Variants in SSPN observed in about 807,000 individuals in gnomAD.
SSPN encodes the protein sarcospan, also known as K-ras oncogene-associated protein.
A neutral mutation model predicts 19.1 loss-of-function variants in SSPN; 15 were observed. That is an observed-to-expected ratio of 0.78 (90% CI 0.52 to 1.21). The LOEUF (loss-of-function observed/expected upper bound fraction) is 1.21, where lower values mean the gene tolerates loss of function less well. Ranked by LOEUF, SSPN falls within the 50% of genes most tolerant of loss-of-function variation. The pLI is 0.00. For synonymous variants in SSPN, 147 were observed against 140.3 expected (o/e 1.05, Z -0.34); for missense variants, 291 against 314.0 (o/e 0.93, Z 0.55).
chr12:26,136,185 G>A (rs1944423956), intron 1 of SSPN, among the ~76,000 whole-genome samples: 1 of 152,182 alleles, frequency 6.6e-6, no homozygotes, highest in Non-Finnish European at 1.5e-5. Flanking sequence ...TAAAGTGTAT[G>A]GGATGACGTG....
intron 1 of SSPN, among the ~76,000 whole-genome samples, chr12:26,188,435 A>G (rs1308681118): frequency 1.3e-5 from 2 of 152,224 alleles, no homozygotes; most frequent in Non-Finnish European, 1.5e-5. Context: ...CAGTCAGACA[A>G]TGACTCAGCT....
upstream of SSPN, among the ~76,000 whole-genome samples, chr12:26,194,575 G>C (rs545014612): frequency 2.0e-5 from 3 of 152,208 alleles, no homozygotes; most frequent in African/African-American, 7.2e-5. Context: ...TAGTGGAGAC[G>C]GGGTTTCACC....
chr12:26,171,913 G>A (rs1381296987), intron 1 of SSPN, among the ~76,000 whole-genome samples: 3 of 152,128 alleles, frequency 2.0e-5, no homozygotes, highest in African/African-American at 4.8e-5. Flanking sequence ...ACCATTTGTC[G>A]CCTCTGTGAT....
intron 1 of SSPN, among the ~76,000 whole-genome samples, chr12:26,146,437 T>C (rs1468348168): frequency 6.6e-6 from 1 of 152,212 alleles, no homozygotes; most frequent in Non-Finnish European, 1.5e-5. Context: ...CTAGAAGTGA[T>C]TCTTTCCTAT....
At chr12:26,123,045 G>A in intron 1 of SSPN, 1 of 1,578,884 alleles carries the variant, frequency 6.3e-7, no homozygotes, top group Non-Finnish European at 8.6e-7. Context: ...GACACACCGC[G>A]GCTCCCTGGG....
At chr12:26,227,050 TGCCTCCCGC>T (rs1340002945) in intron 2 of SSPN, among the ~76,000 whole-genome samples, 30 of 152,092 alleles carry the variant, frequency 2.0e-4, no homozygotes, top group Middle Eastern at 3.2e-3. Context: ...GCAAGACAGA[TGCCTCCCGC>T]GCCGGGCTTT....
At chr12:26,138,345 C>G (rs943329869) in intron 1 of SSPN, among the ~76,000 whole-genome samples, 5 of 152,100 alleles carry the variant, frequency 3.3e-5, no homozygotes, top group Non-Finnish European at 7.4e-5. Context: ...TCCTGAAAAA[C>G]AAATTTTTGA....
At chr12:26,124,117 G>A in intron 1 of SSPN, 1 of 1,613,016 alleles carries the variant, frequency 6.2e-7, no homozygotes, top group Non-Finnish European at 8.5e-7. Context: ...GCTGAGCAAT[G>A]CATTCATTAA....
At chr12:26,218,816 C>G (rs573165154) in intron 1 of SSPN, among the ~76,000 whole-genome samples, 95 of 152,296 alleles carry the variant, frequency 6.2e-4, no homozygotes, top group African/African-American at 2.1e-3. Flanking sequence ...CAGACTGTAA[C>G]ATATTTATCA....
chr12:26,193,964 T>C (rs1030846870), upstream of SSPN, among the ~76,000 whole-genome samples: 3 of 152,246 alleles, frequency 2.0e-5, no homozygotes, highest in African/African-American at 4.8e-5. Flanking sequence ...GAGCTGATGA[T>C]GATTAGTTTC....
At chr12:26,182,080 C>T (rs764108649) in intron 1 of SSPN, among the ~76,000 whole-genome samples, 1 of 152,162 alleles carries the variant, frequency 6.6e-6, no homozygotes, top group Non-Finnish European at 1.5e-5. Flanking sequence ...GAGTAAATCA[C>T]GTGTCAGGAT....
intron 1 of SSPN, among the ~76,000 whole-genome samples, chr12:26,219,326 A>G (rs1170754357): frequency 2.0e-5 from 3 of 152,078 alleles, no homozygotes; most frequent in Non-Finnish European, 2.9e-5. Context: ...ACCAAAAGGG[A>G]AAAAAAATAA....
At chr12:26,123,570 T>A in intron 1 of SSPN, 7 of 1,184,532 alleles carry the variant, frequency 5.9e-6, no homozygotes, top group Non-Finnish European at 8.9e-6. Flanking sequence ...GTCCTGACAC[T>A]GCTCCCCTGT....
chr12:26,184,406 T>C (rs1944738959), intron 1 of SSPN, among the ~76,000 whole-genome samples: 1 of 152,116 alleles, frequency 6.6e-6, no homozygotes. Context: ...ACTATATAAA[T>C]AATAACTGAT....
intron 1 of SSPN, among the ~76,000 whole-genome samples, chr12:26,214,244 G>T (rs1192838870): frequency 1.3e-5 from 2 of 152,110 alleles, no homozygotes. Context: ...GGACCTCAAA[G>T]ACTTTCTTTT....
chr12:26,139,637 A>C (rs1944447599), intron 1 of SSPN, among the ~76,000 whole-genome samples: 4 of 152,238 alleles, frequency 2.6e-5, no homozygotes. Context: ...AGGAAAGTAT[A>C]ATAGATGTAA....
rs1320294571 is a variant in SSPN at position 26,122,283 on chromosome 12, G to T, written c.-31+131G>T. 27 of 1,167,572 alleles carry T rather than the reference G, an allele frequency of 2.3e-5. No homozygotes were observed. The highest frequency in any genetic ancestry group is 2.8e-5 in the Non-Finnish European group (26 of 944,508). 72.3% of individuals were successfully genotyped at this position (1,167,572 alleles called of 1,614,324 possible). On this transcript the variant is annotated intron_variant, in intron 1 of 2. Coordinates refer to the SSPN transcript ENST00000538142. The stretch of plus-strand genomic sequence containing the variant: ...CAACACCGAGGACAGGCAGGGGAAC[G>T]CGGCGGCGGCGGCGGCAGCGGCGGC...
intron 1 of SSPN, among the ~76,000 whole-genome samples, chr12:26,145,164 G>C (rs1944482515): frequency 6.6e-6 from 1 of 152,186 alleles, no homozygotes; most frequent in Admixed American, 6.5e-5. Flanking sequence ...CTCAAGTCAG[G>C]TTCCCTCTGC....
intron 1 of SSPN, among the ~76,000 whole-genome samples, chr12:26,144,506 G>A (rs1944478531): frequency 6.6e-6 from 1 of 152,134 alleles, no homozygotes; most frequent in Non-Finnish European, 1.5e-5. Context: ...CCCCTGGCAT[G>A]GTAACATTGT....
Sources: gnomAD v4.1 joint callset for allele counts (sites outside exome capture counted in the v4.1 genomes callset) on GRCh38, gnomAD v4.1.1 for gene constraint, MANE v1.5 for transcripts, NCBI Gene and HGNC (gene_info 2026-07-23, HGNC 2026-07-21) for gene names.